Variants in TMEM131L observed in about 807,000 individuals in gnomAD.
The protein encoded by TMEM131L is transmembrane 131 like.
A neutral mutation model predicts 192.2 loss-of-function variants in TMEM131L; 54 were observed. The ratio of observed to expected loss-of-function variants is 0.28; its 90% CI spans 0.23 to 0.35. The LOEUF (loss-of-function observed/expected upper bound fraction) is 0.35. TMEM131L is among the 10% of genes least tolerant of loss of function. TMEM131L has a pLI of 1.00. For missense variants in TMEM131L, 1,888 were observed against 1,972.9 expected (o/e 0.96, Z 0.82); for synonymous variants, 701 against 704.9 (o/e 0.99, Z 0.09).
rs79038303 is a variant in TMEM131L, at chr4:153,486,155, A to G, written c.239+12267A>G. Among the ~76,000 whole-genome samples the G allele has an allele frequency of 5.3e-3, 808 of 152,246 alleles. 38 individuals are homozygous for G. The East Asian group carries it at 0.11, about 22-fold the overall frequency. Reference sequence around the variant, plus strand: ...TATATGGTTCCTAGCAAATCCCTGAAAAAAAAAGAGCATGACTCGTGTAAG... The same window carrying G: ...TATATGGTTCCTAGCAAATCCCTGAGAAAAAAAGAGCATGACTCGTGTAAG... On this transcript the variant is annotated intron_variant, in intron 3 of 34. Coordinates refer to ENST00000409959, the MANE Select transcript of TMEM131L (RefSeq NM_001131007.2).
At chr4:153,531,877 A>C (rs951414582) in intron 3 of TMEM131L, among the ~76,000 whole-genome samples, 11 of 152,186 alleles carry the variant, frequency 7.2e-5, no homozygotes, top group Non-Finnish European at 1.3e-4. Context: ...TTCTTCTCTT[A>C]TTCTATTTCC....
Position 153,627,613 on chromosome 4 carries a change from A to G in TMEM131L, c.4133A>G (p.Asn1378Ser). ...TGCCCTCTTCCCCACAGGACCGTGA[A>G]TAGTCTCCCACAATACGCAGAGCCT... is the stretch of plus-strand genomic sequence containing the variant. Reference protein sequence around the residue: ...SHNICNPMTVNSLPQYAEPSC... With the variant: ...SHNICNPMTVSSLPQYAEPSC... The change falls in exon 31 of 35, where the codon AAT (asparagine) becomes AGT (serine). Residue 1378 changes from asparagine to serine, a missense_variant. Asn to Ser is a conservative substitution (Grantham distance 46). Coordinates refer to ENST00000409959, the MANE Select transcript of TMEM131L (RefSeq NM_001131007.2). 1 of 1,613,956 alleles carries G rather than the reference A, an allele frequency of 6.2e-7. No individual in the cohort carries two copies. Among genetic ancestry groups the G allele is most frequent in the Non-Finnish European group, 8.5e-7 (1 of 1,179,830 alleles).
chr4:153,496,932 T>A (rs2149947360), intron 3 of TMEM131L, among the ~76,000 whole-genome samples: 1 of 151,956 alleles, frequency 6.6e-6, no homozygotes, highest in Middle Eastern at 3.4e-3. Flanking sequence ...ACGATCATGG[T>A]TCACTTCAGC....
At position 153,502,604 on chromosome 4, in the gene TMEM131L, T is replaced by G. The variant is rs548854651; in HGVS notation, c.239+28716T>G. Reference sequence around the variant, plus strand: ...ATGGCTGAATGTGCATTGAAATGGCTTCTGCTGAAAAAGTTCAGTTTAACA... The same window carrying G: ...ATGGCTGAATGTGCATTGAAATGGCGTCTGCTGAAAAAGTTCAGTTTAACA... On this transcript the variant is annotated intron_variant, in intron 3 of 34. Coordinates refer to ENST00000409959, the MANE Select transcript of TMEM131L (RefSeq NM_001131007.2). Among the ~76,000 whole-genome samples the G allele has an allele frequency of 4.5e-4, 69 of 152,344 alleles. 1 individual carries two copies. The highest frequency in any genetic ancestry group is 1.4e-3 in the African/African-American group (60 of 41,584).
Position 153,555,797 on chromosome 4 carries a change from C to T in TMEM131L, c.319C>T (p.His107Tyr). 5 of 1,551,270 alleles carry T rather than the reference C, an allele frequency of 3.2e-6. No homozygotes were observed. The highest frequency in any genetic ancestry group is 1.7e-4 in the Middle Eastern group (1 of 5,992). Residue 107 changes from histidine to tyrosine, a missense_variant, in exon 5 of 35, where the codon CAT (histidine) becomes TAT (tyrosine). Physicochemically the swap from His to Tyr is moderately conservative, Grantham distance 83 (BLOSUM62 2). Transcript: ENST00000409959. This position sits in a 1 kb window ranked among gnomAD's most constrained non-coding sequence, Gnocchi z 4.1. ...TGTTTCTCCTCCTAGGTTCCTGGGACATCCTGTAGCAAAGATTCTCCATGC... is the reference window on the plus strand; with the variant it reads ...TGTTTCTCCTCCTAGGTTCCTGGGATATCCTGTAGCAAAGATTCTCCATGC... Reference protein sequence around the residue: ...VLDFGIQFLGHPVAKILHAYN... With the variant: ...VLDFGIQFLGYPVAKILHAYN...
Position 153,603,367 on chromosome 4 carries a change from A to G in TMEM131L, c.2704A>G (p.Met902Val). Reference protein sequence around the residue: ...QQAQYILMEFMKTRQRQNASS... With the variant: ...QQAQYILMEFVKTRQRQNASS... Reference sequence around the variant, plus strand: ...AGCACAGTACATTCTCATGGAATTCATGAAAACAAGACAGAGGCAAAATGC... The same window carrying G: ...AGCACAGTACATTCTCATGGAATTCGTGAAAACAAGACAGAGGCAAAATGC... The change falls in exon 24 of 35, where the codon ATG becomes GTG. Residue 902 changes from methionine to valine, a missense_variant. By Grantham distance (21) the Met-to-Val change is conservative. Coordinates refer to ENST00000409959, the MANE Select transcript of TMEM131L (RefSeq NM_001131007.2). The G allele has an allele frequency of 1.2e-6, 2 of 1,614,054 alleles. No homozygotes were observed. The highest frequency in any genetic ancestry group is 1.7e-6 in the Non-Finnish European group (2 of 1,179,946).
intron 24 of TMEM131L, 156 bp downstream of exon 24, chr4:153,603,608 A>G (rs1732000627): frequency 2.0e-6 from 2 of 998,344 alleles, no homozygotes; most frequent in South Asian, 3.5e-5. Context: ...CATTATTATT[A>G]TGAGATAGTC....
chr4:153,511,296 C>T (rs1001255220), intron 3 of TMEM131L, among the ~76,000 whole-genome samples: 2 of 152,176 alleles, frequency 1.3e-5, no homozygotes, highest in African/African-American at 2.4e-5. Flanking sequence ...GAATACTACA[C>T]AGCCATCAAA....
At chr4:153,524,836 T>C (rs1045948852) in intron 3 of TMEM131L, among the ~76,000 whole-genome samples, 3 of 152,232 alleles carry the variant, frequency 2.0e-5, no homozygotes, top group Non-Finnish European at 4.4e-5. Context: ...AGCTGTGTCA[T>C]AGATTTTGTG....
chr4:153,577,246 A>G (rs1226494337), intron 7 of TMEM131L, among the ~76,000 whole-genome samples: 2 of 152,196 alleles, frequency 1.3e-5, no homozygotes, highest in Non-Finnish European at 2.9e-5. Context: ...CCGGAGTTTT[A>G]TAGCGACAGC....
At chr4:153,495,190 C>T (rs1473773604) in intron 3 of TMEM131L, among the ~76,000 whole-genome samples, 1 of 152,038 alleles carries the variant, frequency 6.6e-6, no homozygotes. Context: ...TGGTATGCAC[C>T]AGTAGTCCCA....
chr4:153,580,702 A>G (rs1199916171), intron 7 of TMEM131L, 124 bp from the exon 8 acceptor site: 1 of 608,570 alleles, frequency 1.6e-6, no homozygotes. Flanking sequence ...CATTTAGCAG[A>G]TACTCAGATA....
chr4:153,471,010 T>C lies in TMEM131L; in HGVS notation c.196-2835T>C, dbSNP rs552874421. 2.2e-3 allele frequency among the ~76,000 whole-genome samples: 329 copies of C among 150,052 alleles called. 2 individuals carry two copies. The highest frequency in any genetic ancestry group is 7.9e-3 in the African/African-American group (317 of 40,294). On this transcript the variant is annotated intron_variant, in intron 2 of 34. Coordinates refer to ENST00000409959, the MANE Select transcript of TMEM131L (RefSeq NM_001131007.2). ...TTGTTTTCTTTTTTTTTTTTGAGAC[T>C]GAGTGTTGCTCTTGTCGCCTAGGCT...
intron 3 of TMEM131L, among the ~76,000 whole-genome samples, chr4:153,512,482 T>G (rs561558917): frequency 6.6e-6 from 1 of 152,310 alleles, no homozygotes; most frequent in East Asian, 1.9e-4. Flanking sequence ...TAGCAACATT[T>G]TAACAGAAAA....
chr4:153,520,154 A>G (rs757033938), intron 3 of TMEM131L, among the ~76,000 whole-genome samples: 1 of 152,040 alleles, frequency 6.6e-6, no homozygotes, highest in African/African-American at 2.4e-5. Context: ...GAAGATTTTT[A>G]TATTAAAATA....
chr4:153,466,840 C>T (rs1730786492), intron 1 of TMEM131L, among the ~76,000 whole-genome samples: 1 of 152,244 alleles, frequency 6.6e-6, no homozygotes, highest in South Asian at 2.1e-4. Context: ...CGCGGGTGCC[C>T]CGCAGCGGCC....
chr4:153,623,470 A>C (rs759123373), intron 29 of TMEM131L, among the ~76,000 whole-genome samples: 2 of 152,298 alleles, frequency 1.3e-5, no homozygotes, highest in Non-Finnish European at 2.9e-5. Context: ...TTTATCTTGC[A>C]AAACTGAAAC....
At chr4:153,530,822 C>A (rs928915078) in intron 3 of TMEM131L, among the ~76,000 whole-genome samples, 1 of 152,150 alleles carries the variant, frequency 6.6e-6, no homozygotes, top group Non-Finnish European at 1.5e-5. Context: ...GAGGCCCCCC[C>A]ACTTTCCTGA....
chr4:153,579,408 A>G (rs1730184283), intron 7 of TMEM131L, among the ~76,000 whole-genome samples: 1 of 152,240 alleles, frequency 6.6e-6, no homozygotes, highest in Non-Finnish European at 1.5e-5. Context: ...GAATACTAGC[A>G]GATATGAACA....
Sources: gnomAD v4.1 joint callset for allele counts (sites outside exome capture counted in the v4.1 genomes callset) on GRCh38, gnomAD v4.1.1 for gene constraint, Gnocchi (gnomAD v3.1) non-coding constraint, MANE v1.5 for transcripts, NCBI Gene and HGNC (gene_info 2026-07-23, HGNC 2026-07-21) for gene names.